The following TCAF1 variants were observed in gnomAD, a reference collection of about 807,000 sequenced individuals.
TCAF1 encodes the protein TRPM8 channel-associated factor 1.
A neutral mutation model predicts 27.3 loss-of-function variants in TCAF1; 4 were observed. The observed-to-expected ratio is 0.15, with a 90% CI of 0.07 to 0.34. The LOEUF is 0.34. Among genes scored for constraint, TCAF1 ranks in the 10% least tolerant of loss-of-function variants. TCAF1 has a pLI of 1.00. For synonymous variants in TCAF1, 105 were observed against 167.1 expected (o/e 0.63, Z 2.87); for missense variants, 257 against 425.8 (o/e 0.60, Z 3.49).
intron 1 of TCAF1, chr7:143,882,662 C>CCCA (rs1424344152): frequency 1.0e-6 from 1 of 985,198 alleles, no homozygotes. Flanking sequence ...CCCTCCCCCC[C>CCCA]GCAGCACCCA....
intron 1 of TCAF1, among the ~76,000 whole-genome samples, chr7:143,877,411 G>A (rs1463285466): frequency 6.6e-6 from 1 of 152,122 alleles, no homozygotes; most frequent in East Asian, 1.9e-4. Flanking sequence ...GAAATGCCTG[G>A]GCTTTCAGAA....
At chr7:143,859,958 G>GAATATATATTATATAATATATATTATAT (rs1479325174) in intron 6 of TCAF1, among the ~76,000 whole-genome samples, 4 of 40,738 alleles carry the variant, frequency 9.8e-5, no homozygotes, top group African/African-American at 3.7e-4. Context: ...ATATATTACG[G>GAATATATATTATATAATATATATTATAT]AATATATATT....
intron 1 of TCAF1, among the ~76,000 whole-genome samples, chr7:143,878,543 T>C (rs971544513): frequency 6.6e-6 from 1 of 152,188 alleles, no homozygotes; most frequent in African/African-American, 2.4e-5. Flanking sequence ...TAAAAAAGTC[T>C]TGAATTTATT....
At chr7:143,901,711 A>G (rs1023336801) in intron 1 of TCAF1, among the ~76,000 whole-genome samples, 1 of 152,224 alleles carries the variant, frequency 6.6e-6, no homozygotes, top group Non-Finnish European at 1.5e-5. Flanking sequence ...TTGCGGAGCA[A>G]AAAACAAATC....
At chr7:143,881,177 G>A (rs185497001) in intron 1 of TCAF1, among the ~76,000 whole-genome samples, 3 of 152,148 alleles carry the variant, frequency 2.0e-5, no homozygotes, top group Non-Finnish European at 2.9e-5. Context: ...CCCATATCCC[G>A]TATGGTAGTG....
chr7:143,880,175 C>T (rs2116799054), intron 1 of TCAF1, among the ~76,000 whole-genome samples: 1 of 152,344 alleles, frequency 6.6e-6, no homozygotes, highest in South Asian at 2.1e-4. Context: ...GGCATTACTA[C>T]ACGTGATTTC....
At chr7:143,898,777 T>C in intron 1 of TCAF1, among the ~76,000 whole-genome samples, 1 of 152,220 alleles carries the variant, frequency 6.6e-6, no homozygotes. Flanking sequence ...GGTTTGAATG[T>C]GTCCCTCAAA....
chr7:143,859,978 A>T (rs1811868037), intron 6 of TCAF1, among the ~76,000 whole-genome samples: 1 of 30,020 alleles, frequency 3.3e-5, no homozygotes, highest in South Asian at 2.0e-3. Flanking sequence ...TATATAATAT[A>T]TATTATATAA....
intron 1 of TCAF1, among the ~76,000 whole-genome samples, chr7:143,883,500 CTTTTTT>C (rs374825743): frequency 3.0e-4 from 29 of 98,074 alleles, no homozygotes; most frequent in East Asian, 1.9e-3. Flanking sequence ...TTTCCTTTTT[CTTTTTT>C]TTTTTTTTTT....
chr7:143,860,013 A>ATATATAT, intron 6 of TCAF1, among the ~76,000 whole-genome samples, 195 bp downstream of exon 6: 1 of 18,422 alleles, frequency 5.4e-5, no homozygotes, highest in African/African-American at 1.3e-4. Flanking sequence ...TATATATATA[A>ATATATAT]TATATATTAT....
intron 1 of TCAF1, among the ~76,000 whole-genome samples, chr7:143,897,434 T>C (rs1813935352): frequency 6.6e-6 from 1 of 151,832 alleles, no homozygotes; most frequent in Admixed American, 6.6e-5. Context: ...ATATAATGCA[T>C]ATATAAAACA....
intron 6 of TCAF1, among the ~76,000 whole-genome samples, 164 bp downstream of exon 6, chr7:143,860,027 TTATATATATAATATATA>T: frequency 4.1e-5 from 1 of 24,360 alleles, no homozygotes; most frequent in South Asian, 1.4e-3. Context: ...ATATTATATA[TTATATATATAATATATA>T]ATATATATTA....
At chr7:143,891,689 C>T (rs1046471926) in intron 1 of TCAF1, among the ~76,000 whole-genome samples, 6 of 151,896 alleles carry the variant, frequency 4.0e-5, no homozygotes, top group African/African-American at 1.2e-4. Flanking sequence ...CAGTCCCAGA[C>T]GGAAAGGAAG....
At chr7:143,889,865 T>C (rs1319467685) in intron 1 of TCAF1, among the ~76,000 whole-genome samples, 1 of 152,232 alleles carries the variant, frequency 6.6e-6, no homozygotes, top group Non-Finnish European at 1.5e-5. Flanking sequence ...ACTTTGCCCA[T>C]TCCTCTCATC....
chr7:143,884,963 C>A, intron 1 of TCAF1: 1 of 983,062 alleles, frequency 1.0e-6, no homozygotes, highest in Non-Finnish European at 1.2e-6. Context: ...ATGGAGAAAG[C>A]GCAGGCAACC....
chr7:143,884,462 TG>T (rs1310794653), intron 1 of TCAF1, among the ~76,000 whole-genome samples: 2 of 152,062 alleles, frequency 1.3e-5, no homozygotes, highest in Non-Finnish European at 2.9e-5. Flanking sequence ...TCTTCTCCAG[TG>T]TTCAGATTTT....
intron 1 of TCAF1, chr7:143,885,507 C>T (rs1048273383): frequency 1.0e-6 from 1 of 985,350 alleles, no homozygotes. Context: ...GGATGGAGAC[C>T]CAGACGCCCG....
intron 1 of TCAF1, among the ~76,000 whole-genome samples, chr7:143,879,901 G>A (rs1218514830): frequency 6.6e-6 from 1 of 151,976 alleles, no homozygotes; most frequent in Non-Finnish European, 1.5e-5. Context: ...TGCCTCTAAC[G>A]CTGGCACGAG....
At chr7:143,894,760 T>C (rs999441112) in intron 1 of TCAF1, among the ~76,000 whole-genome samples, 7 of 151,580 alleles carry the variant, frequency 4.6e-5, no homozygotes, top group Non-Finnish European at 8.9e-5. Flanking sequence ...TTAAAAGACA[T>C]AATTACCAAT....
Sources: gnomAD v4.1 joint callset for allele counts (sites outside exome capture counted in the v4.1 genomes callset) on GRCh38, gnomAD v4.1.1 for gene constraint, MANE v1.5 for transcripts, NCBI Gene and HGNC (gene_info 2026-07-23, HGNC 2026-07-21) for gene names.